Variants in FANCC observed in about 807,000 individuals in gnomAD.
The protein encoded by FANCC is Fanconi anemia group C protein.
FANCC carries 55 observed loss-of-function variants against 71.3 expected under a neutral mutation model. The observed-to-expected ratio is 0.77, with a 90% confidence interval of 0.62 to 0.97. FANCC has a LOEUF of 0.97. Among genes scored for constraint, FANCC ranks in the 50% least tolerant of loss-of-function variants. FANCC has a pLI of 0.00. For synonymous variants in FANCC, 275 were observed against 244.9 expected (o/e 1.12, Z -1.15); for missense variants, 678 against 670.9 (o/e 1.01, Z -0.12).
At position 95,099,472 on chromosome 9, in the gene FANCC, G is replaced by A. The variant is rs892041864; in HGVS notation, c.*2235C>T. ...AGCATCTCGGATGCCATTCCTTCCC[G>A]GTGGCACCTGCCCAGGCTTTGCCGA... On this transcript the variant is annotated 3_prime_UTR_variant, in exon 15 of 15. Coordinates refer to ENST00000289081, the MANE Select transcript of FANCC (RefSeq NM_000136.3). 1.6e-4 allele frequency: 36 copies of A among 224,712 alleles called. 2 individuals carry two copies. In the East Asian group the frequency reaches 1.9e-3, roughly 12 times the overall value. The allele number at this position is 224,712 out of a possible 1,614,324, so 13.9% of individuals were successfully genotyped here.
intron 1 of FANCC, among the ~76,000 whole-genome samples, chr9:95,291,967 A>ATATATATATATAC (rs1554869938): frequency 2.0e-5 from 1 of 50,412 alleles, no homozygotes; most frequent in Non-Finnish European, 3.4e-5. Flanking sequence ...AAAAAAAAAA[A>ATATATATATATAC]ATATATATAT....
chr9:95,226,312 TG>T (rs1329923838), intron 4 of FANCC, among the ~76,000 whole-genome samples: 1 of 152,224 alleles, frequency 6.6e-6, no homozygotes, highest in African/African-American at 2.4e-5. Flanking sequence ...TTCAGATGCC[TG>T]TTACTAGCCA....
At chr9:95,126,607 T>C (rs760204364) in intron 8 of FANCC, 26 bp from the exon 9 acceptor site, 2 of 1,611,830 alleles carry the variant, frequency 1.2e-6, no homozygotes, top group South Asian at 2.2e-5. Flanking sequence ...ACCATGAGAA[T>C]GTGAAATATC....
intron 4 of FANCC, among the ~76,000 whole-genome samples, chr9:95,176,700 T>C (rs1826030497): frequency 6.6e-6 from 1 of 152,278 alleles, no homozygotes; most frequent in Admixed American, 6.5e-5. Context: ...GTGGCTACTG[T>C]TATTGTATAT....
At chr9:95,106,760 G>A (rs915407925) in intron 14 of FANCC, among the ~76,000 whole-genome samples, 3 of 152,246 alleles carry the variant, frequency 2.0e-5, no homozygotes, top group African/African-American at 7.2e-5. Flanking sequence ...AGCACACTGC[G>A]ATGGAAAGAA....
rs60497587 is a variant in FANCC at position 95,222,851 on chromosome 9, A to C, written c.345+17798T>G. Reference sequence around the variant, plus strand: ...CATACAACTGTTATCATTTTGTATAAAAAATTTTCATCCAGCTTATTTATG... The same window carrying C: ...CATACAACTGTTATCATTTTGTATACAAAATTTTCATCCAGCTTATTTATG... On this transcript the variant is annotated intron_variant, in intron 4 of 14. Transcript: ENST00000289081. 3.7e-3 allele frequency among the ~76,000 whole-genome samples: 568 copies of C among 152,306 alleles called. 1 individual carries two copies. The highest frequency in any genetic ancestry group is 0.013 in the African/African-American group (555 of 41,566).
chr9:95,233,322 G>GT (rs1830122919), intron 4 of FANCC, among the ~76,000 whole-genome samples: 2 of 152,150 alleles, frequency 1.3e-5, no homozygotes, highest in Admixed American at 1.3e-4. Flanking sequence ...AGATGGAGCT[G>GT]TGGAAGAGGA....
chr9:95,303,117 T>A (rs1315860782), intron 1 of FANCC, among the ~76,000 whole-genome samples: 2 of 152,218 alleles, frequency 1.3e-5, no homozygotes, highest in Non-Finnish European at 2.9e-5. Context: ...AGGTTCTGGC[T>A]CTATCTGTCC....
At chr9:95,182,591 C>CT (rs1027326184) in intron 4 of FANCC, among the ~76,000 whole-genome samples, 16 of 152,248 alleles carry the variant, frequency 1.1e-4, no homozygotes, top group African/African-American at 3.9e-4. Context: ...GGATGATCTG[C>CT]TTTCAAGCCA....
At chr9:95,273,894 C>T (rs780620614) in intron 1 of FANCC, among the ~76,000 whole-genome samples, 45 of 152,258 alleles carry the variant, frequency 3.0e-4, no homozygotes, top group Middle Eastern at 3.4e-3. Context: ...AAATGATTGG[C>T]ATATGCATAG....
At chr9:95,121,614 A>G (rs551890238) in intron 10 of FANCC, among the ~76,000 whole-genome samples, 1 of 152,328 alleles carries the variant, frequency 6.6e-6, no homozygotes, top group African/African-American at 2.4e-5. Flanking sequence ...GGATGGCTAC[A>G]CTGCCATACG....
chr9:95,242,500 A>C (rs1010219316), intron 3 of FANCC, among the ~76,000 whole-genome samples: 9 of 150,728 alleles, frequency 6.0e-5, no homozygotes, highest in South Asian at 2.1e-4. Context: ...AAAAAAAAAA[A>C]GAAAGGAAAT....
intron 1 of FANCC, among the ~76,000 whole-genome samples, chr9:95,313,074 G>C (rs1303124670): frequency 6.6e-6 from 1 of 152,214 alleles, no homozygotes; most frequent in African/African-American, 2.4e-5. Flanking sequence ...ACAAGAGCCT[G>C]CACTGGGGAA....
intron 9 of FANCC, among the ~76,000 whole-genome samples, chr9:95,126,015 C>A (rs1825924454): frequency 1.3e-5 from 2 of 152,224 alleles, no homozygotes; most frequent in Admixed American, 6.5e-5. Context: ...GTCTGTAAAT[C>A]TAATGCATTT....
chr9:95,255,354 G>A (rs2136136087), intron 1 of FANCC, among the ~76,000 whole-genome samples: 1 of 152,220 alleles, frequency 6.6e-6, no homozygotes, highest in South Asian at 2.1e-4. Flanking sequence ...AGCTTCCAGA[G>A]GAAGGATCAG....
At chr9:95,292,010 C>T (rs1348451961) in intron 1 of FANCC, among the ~76,000 whole-genome samples, 1 of 122,300 alleles carries the variant, frequency 8.2e-6, no homozygotes, top group East Asian at 2.4e-4. Flanking sequence ...CCCAAAGAGC[C>T]AAAGCAATCT....
chr9:95,255,181 C>T (rs1032726887), intron 1 of FANCC, among the ~76,000 whole-genome samples: 40 of 152,152 alleles, frequency 2.6e-4, no homozygotes, highest in Admixed American at 2.6e-3. Context: ...AGCAGCAGAT[C>T]TCCCAGCACA....
intron 4 of FANCC, among the ~76,000 whole-genome samples, chr9:95,182,747 A>G (rs1419735505): frequency 6.6e-6 from 1 of 152,034 alleles, no homozygotes; most frequent in East Asian, 1.9e-4. Flanking sequence ...AGGAGAGATG[A>G]GTTCCAACTG....
chr9:95,201,711 T>A (rs1410521447), intron 4 of FANCC, among the ~76,000 whole-genome samples: 1 of 152,242 alleles, frequency 6.6e-6, no homozygotes. Context: ...TAATCCACAC[T>A]GAAATCTGTT....
Sources: allele counts gnomAD v4.1 joint callset (sites outside exome capture counted in the v4.1 genomes callset), GRCh38; gene constraint gnomAD v4.1.1; transcripts MANE v1.5; gene names NCBI Gene and HGNC (gene_info 2026-07-23, HGNC 2026-07-21).